SLC35F3: variants seen among roughly 807,000 people sequenced by gnomAD.
The protein encoded by SLC35F3 is solute carrier family 35 member F3.
Under a neutral mutation model 49.9 loss-of-function variants are expected in SLC35F3, and 25 were observed. That is an observed-to-expected ratio of 0.50 (90% confidence interval 0.37 to 0.70). SLC35F3 has a LOEUF of 0.70. Ranked by LOEUF, SLC35F3 falls within the 30% of genes least tolerant of loss-of-function variation. The pLI, the probability that SLC35F3 is intolerant of heterozygous loss-of-function variation, is 0.00. For missense variants in SLC35F3, 525 were observed against 639.8 expected (o/e 0.82, Z 1.94); for synonymous variants, 275 against 265.4 (o/e 1.04, Z -0.35).
intron 2 of SLC35F3, among the ~76,000 whole-genome samples, chr1:234,185,782 T>C (rs1666634708): frequency 6.6e-6 from 1 of 152,234 alleles, no homozygotes; most frequent in Non-Finnish European, 1.5e-5. Context: ...ACCATTTGGA[T>C]ACCCGCTGAA....
At chr1:233,915,156 T>G (rs1661947603) in intron 2 of SLC35F3, among the ~76,000 whole-genome samples, 1 of 152,228 alleles carries the variant, frequency 6.6e-6, no homozygotes, top group Non-Finnish European at 1.5e-5. Context: ...CTTGTCAATC[T>G]GCTATCTACC....
intron 2 of SLC35F3, among the ~76,000 whole-genome samples, chr1:234,011,922 C>G (rs1317262512): frequency 6.6e-6 from 1 of 152,052 alleles, no homozygotes; most frequent in Non-Finnish European, 1.5e-5. Flanking sequence ...AAAGTGGGCC[C>G]AGGGGACTGG....
At chr1:234,084,323 G>C (rs539952217) in intron 2 of SLC35F3, among the ~76,000 whole-genome samples, 1 of 152,228 alleles carries the variant, frequency 6.6e-6, no homozygotes, top group Non-Finnish European at 1.5e-5. Context: ...ATGTGCCTGT[G>C]TGGATTATAT....
In SLC35F3 at chr1:234,043,873, G is replaced by A. The variant is rs147704619; in HGVS notation, c.283+138115G>A. Among the ~76,000 whole-genome samples, 87 of 151,932 alleles carry A rather than the reference G, an allele frequency of 5.7e-4. 2 individuals are homozygous for A. The South Asian group carries it at 0.011, about 19-fold the overall frequency. On this transcript the variant is annotated intron_variant, in intron 2 of 7. Coordinates refer to ENST00000366618, the MANE Select transcript of SLC35F3 (RefSeq NM_173508.4). ...TCCAACATGAGCTCAAATTACTTTC[G>A]CTTTGTATGTTACATAATTATATCA...
intron 2 of SLC35F3, among the ~76,000 whole-genome samples, chr1:234,207,970 T>C (rs1368474008): frequency 6.6e-6 from 1 of 152,196 alleles, no homozygotes; most frequent in Non-Finnish European, 1.5e-5. Flanking sequence ...GATCACATCA[T>C]GGCACTGCAG....
intron 2 of SLC35F3, among the ~76,000 whole-genome samples, chr1:234,021,791 C>T (rs1036361827): frequency 3.3e-5 from 5 of 152,122 alleles, no homozygotes; most frequent in Non-Finnish European, 7.4e-5. Context: ...TGGTTAATTT[C>T]CCCCCATCTT....
At chr1:234,263,544 G>A (rs996057044) in intron 3 of SLC35F3, among the ~76,000 whole-genome samples, 4 of 152,058 alleles carry the variant, frequency 2.6e-5, no homozygotes, top group African/African-American at 9.7e-5. Context: ...TGTGATCCCT[G>A]GAGCAAGAAC....
At chr1:233,994,689 A>G (rs1227356865) in intron 2 of SLC35F3, among the ~76,000 whole-genome samples, 1 of 152,176 alleles carries the variant, frequency 6.6e-6, no homozygotes, top group Non-Finnish European at 1.5e-5. Context: ...GTATAAAAGT[A>G]TTTTATGGAA....
intron 2 of SLC35F3, among the ~76,000 whole-genome samples, chr1:234,177,886 A>G (rs988445143): frequency 1.3e-5 from 2 of 152,168 alleles, no homozygotes; most frequent in African/African-American, 4.8e-5. Flanking sequence ...GTTTAATACA[A>G]TTTTCTGTTG....
intron 3 of SLC35F3, among the ~76,000 whole-genome samples, chr1:234,295,999 A>G (rs1413025366): frequency 6.6e-6 from 1 of 152,266 alleles, no homozygotes; most frequent in East Asian, 1.9e-4. Context: ...TTCCTGGTTC[A>G]TCTCTTGACA....
At chr1:234,163,983 GA>G (rs1239527773) in intron 2 of SLC35F3, among the ~76,000 whole-genome samples, 2 of 147,662 alleles carry the variant, frequency 1.4e-5, no homozygotes, top group South Asian at 2.1e-4. Flanking sequence ...TAAAATAGAA[GA>G]AAAAAATATC....
chr1:234,273,841 G>C (rs569604944), intron 3 of SLC35F3, among the ~76,000 whole-genome samples: 4 of 152,294 alleles, frequency 2.6e-5, no homozygotes, highest in East Asian at 3.9e-4. Context: ...CTGCTTAAGG[G>C]TGCCACAATC....
chr1:234,258,226 G>T (rs535213029), intron 3 of SLC35F3, among the ~76,000 whole-genome samples: 34 of 152,312 alleles, frequency 2.2e-4, no homozygotes, highest in South Asian at 1.4e-3. Flanking sequence ...AAATCATAAT[G>T]GGGGGTCAAA....
rs115570211 is a variant in SLC35F3 at position 233,909,878 on chromosome 1, T to C, written c.283+4120T>C. 5.8e-3 allele frequency among the ~76,000 whole-genome samples: 879 copies of C among 152,364 alleles called. 8 individuals carry two copies. The highest frequency in any genetic ancestry group is 0.02 in the African/African-American group (850 of 41,584). On this transcript the variant is annotated intron_variant, in intron 2 of 7. Coordinates refer to ENST00000366618, the MANE Select transcript of SLC35F3 (RefSeq NM_173508.4). Reference sequence around the variant, plus strand: ...ATGCTGCAATAGAACTCTCTTCTGTTGCCCAGTAATGCTAAACAAGCAGGC... The same window carrying C: ...ATGCTGCAATAGAACTCTCTTCTGTCGCCCAGTAATGCTAAACAAGCAGGC...
At chr1:233,936,610 TCTC>T (rs1347922543) in intron 2 of SLC35F3, among the ~76,000 whole-genome samples, 4 of 151,442 alleles carry the variant, frequency 2.6e-5, no homozygotes, top group Non-Finnish European at 4.4e-5. Context: ...GTCTTCTTCC[TCTC>T]CTCCTCCTCC....
intron 2 of SLC35F3, among the ~76,000 whole-genome samples, chr1:234,011,763 G>A (rs1427729935): frequency 6.6e-6 from 1 of 152,114 alleles, no homozygotes; most frequent in African/African-American, 2.4e-5. Context: ...GACTTTGAAT[G>A]CAACATCACT....
At chr1:234,011,838 G>A (rs1321681541) in intron 2 of SLC35F3, among the ~76,000 whole-genome samples, 1 of 152,150 alleles carries the variant, frequency 6.6e-6, no homozygotes, top group Non-Finnish European at 1.5e-5. Context: ...CTCCACACCT[G>A]TGGGAATATC....
chr1:233,925,562 C>T (rs545516965), intron 2 of SLC35F3, among the ~76,000 whole-genome samples: 12 of 152,274 alleles, frequency 7.9e-5, no homozygotes, highest in Middle Eastern at 3.4e-3. Context: ...ATACAGCACA[C>T]TGATGGGTCT....
At position 234,017,269 on chromosome 1, in the gene SLC35F3, G is replaced by A. The variant is rs145824392; in HGVS notation, c.283+111511G>A. Among the ~76,000 whole-genome samples the A allele has an allele frequency of 2.0e-5, 3 of 152,236 alleles. No homozygotes were observed. The East Asian group carries it at 5.8e-4, about 29-fold the overall frequency. On this transcript the variant is annotated intron_variant, in intron 2 of 7. Coordinates refer to ENST00000366618, the MANE Select transcript of SLC35F3 (RefSeq NM_173508.4). ...AATAATAATTCTCATTATTCAAGTG[G>A]TGATGTTCTATAAAGTCATCATGAA...
Sources: gnomAD v4.1 joint callset for allele counts (sites outside exome capture counted in the v4.1 genomes callset) on GRCh38, gnomAD v4.1.1 for gene constraint, MANE v1.5 for transcripts, NCBI Gene and HGNC (gene_info 2026-07-23, HGNC 2026-07-21) for gene names.